NEK5: variants seen among roughly 807,000 people sequenced by gnomAD.
NEK5 encodes the protein serine/threonine-protein kinase Nek5.
Under a neutral mutation model 109.2 loss-of-function variants are expected in NEK5, and 88 were observed. That is an observed-to-expected ratio of 0.81 (90% confidence interval 0.68 to 0.96). The LOEUF (loss-of-function observed/expected upper bound fraction) is 0.96. NEK5 is among the 40% of genes least tolerant of loss of function. The pLI is 0.00. For synonymous variants in NEK5, 283 were observed against 299.9 expected (o/e 0.94, Z 0.58); for missense variants, 834 against 920.7 (o/e 0.91, Z 1.22).
chr13:52,044,714 C>A (rs1438540518), intron 23 of NEK5, among the ~76,000 whole-genome samples: 5 of 152,190 alleles, frequency 3.3e-5, no homozygotes, highest in African/African-American at 1.2e-4. Flanking sequence ...ATTTGTGGGT[C>A]TGGCTGTTAT....
intron 23 of NEK5, among the ~76,000 whole-genome samples, chr13:52,042,233 T>C (rs1326319466): frequency 1.3e-5 from 2 of 151,540 alleles, no homozygotes; most frequent in African/African-American, 2.4e-5. Flanking sequence ...TGACATATCA[T>C]AAATAATTAC....
chr13:52,075,053 T>G lies in NEK5; in HGVS notation c.1722+705A>C, dbSNP rs547279373. On this transcript the variant is annotated intron_variant, in intron 19 of 23. Coordinates refer to ENST00000684899, the MANE Select transcript of NEK5 (RefSeq NM_001365552.1). The stretch of plus-strand genomic sequence containing the variant: ...GTAATGTAAATTAGTTCAACCACTG[T>G]AGAAAGCAGTTTGGATATTTCTCAA... 3.3e-5 allele frequency among the ~76,000 whole-genome samples: 5 copies of G among 152,314 alleles called. No individual in the cohort carries two copies. In the East Asian group the frequency reaches 7.7e-4, roughly 23 times the overall value.
At chr13:52,047,052 T>C (rs1365341440) in intron 23 of NEK5, among the ~76,000 whole-genome samples, 1 of 151,590 alleles carries the variant, frequency 6.6e-6, no homozygotes, top group Non-Finnish European at 1.5e-5. Context: ...GAACTGACTT[T>C]TATTTAACCT....
intron 20 of NEK5, among the ~76,000 whole-genome samples, chr13:52,069,915 T>C (rs1027173612): frequency 6.6e-6 from 1 of 152,204 alleles, no homozygotes; most frequent in South Asian, 2.1e-4. Context: ...GTGATTAACA[T>C]TTCAGGCTCA....
intron 12 of NEK5, among the ~76,000 whole-genome samples, chr13:52,093,497 T>C (rs547499057): frequency 2.6e-5 from 4 of 152,118 alleles, no homozygotes; most frequent in African/African-American, 7.2e-5. Context: ...GAGGTGGAGG[T>C]TGCAGTGAGC....
intron 5 of NEK5, among the ~76,000 whole-genome samples, chr13:52,111,159 C>T (rs1349688924): frequency 6.6e-6 from 1 of 152,114 alleles, no homozygotes; most frequent in Non-Finnish European, 1.5e-5. Context: ...GACCATGAGC[C>T]TCTTTATGAA....
chr13:52,083,270 G>A lies in NEK5; in HGVS notation c.1562C>T (p.Ala521Val). ...PVHQDASEGE[A>V]PVQDIEKDLK... ...CATAGCCATCATTACCTGCACAGGT[G>A]CTTCTCCCTCAGATGCATCTTGATG... is the stretch of plus-strand genomic sequence containing the variant. Residue 521 changes from alanine (A) to valine (V), a missense_variant, in exon 17 of 24, where the codon GCA becomes GTA. Physicochemically the swap from Ala to Val is moderately conservative, Grantham distance 64. Coordinates refer to ENST00000684899, the MANE Select transcript of NEK5 (RefSeq NM_001365552.1). The A allele has an allele frequency of 1.2e-6, 2 of 1,607,516 alleles. No homozygotes were observed. Among genetic ancestry groups the A allele is most frequent in the Non-Finnish European group, 1.7e-6 (2 of 1,174,016 alleles).
At chr13:52,112,552 T>C (rs908354732) in intron 4 of NEK5, among the ~76,000 whole-genome samples, 187 bp from the exon 5 acceptor site, 1 of 152,138 alleles carries the variant, frequency 6.6e-6, no homozygotes, top group Non-Finnish European at 1.5e-5. Context: ...AATGGAAATA[T>C]TATAGAAATT....
intron 23 of NEK5, among the ~76,000 whole-genome samples, chr13:52,041,265 A>C (rs890354858): frequency 2.0e-5 from 3 of 152,198 alleles, no homozygotes; most frequent in Admixed American, 2.0e-4. Flanking sequence ...CTCCTAAAGT[A>C]AGTATGCCCA....
chr13:52,116,601 G>C (rs981115708), intron 4 of NEK5, among the ~76,000 whole-genome samples: 2 of 152,162 alleles, frequency 1.3e-5, no homozygotes, highest in African/African-American at 4.8e-5. Context: ...CTGAGACTCC[G>C]GGCAGAGAAT....
chr13:52,101,973 T>C lies in NEK5; in HGVS notation c.852A>G (p.Ala284=). ...CAGCATGTCGAGAAGCTGGCGCTCC[T>C]GCTCTGCATATAAGCATGTGACTGA... ...EEFSHMLICR[A]GAPASRHAGK... is the part of the protein sequence containing the mutation. Residue 284 remains alanine (A), a synonymous_variant, in exon 11 of 24, where the codon GCA becomes GCG. Coordinates refer to ENST00000684899, the MANE Select transcript of NEK5 (RefSeq NM_001365552.1). 1 of 1,614,212 alleles carries C rather than the reference T, an allele frequency of 6.2e-7. No individual in the cohort carries two copies. The highest frequency in any genetic ancestry group is 1.3e-5 in the African/African-American group (1 of 75,058).
intron 11 of NEK5, among the ~76,000 whole-genome samples, chr13:52,100,858 G>A (rs1024725100): frequency 2.6e-5 from 4 of 152,156 alleles, no homozygotes; most frequent in African/African-American, 9.7e-5. Flanking sequence ...TGGCAAAGAG[G>A]CTCATTCACT....
chr13:52,098,069 C>T (rs921898277), intron 12 of NEK5, among the ~76,000 whole-genome samples: 1 of 152,008 alleles, frequency 6.6e-6, no homozygotes, highest in African/African-American at 2.4e-5. Flanking sequence ...TATAAGTTTC[C>T]TGCGGCCTCC....
intron 22 of NEK5, among the ~76,000 whole-genome samples, chr13:52,061,225 T>C (rs1169142837): frequency 6.6e-6 from 1 of 151,330 alleles, no homozygotes; most frequent in Non-Finnish European, 1.5e-5. Flanking sequence ...CAGTTCACAA[T>C]AGGGTTCATG....
At chr13:52,060,993 G>A (rs1954609584) in intron 22 of NEK5, among the ~76,000 whole-genome samples, 2 of 152,138 alleles carry the variant, frequency 1.3e-5, no homozygotes, top group Admixed American at 6.5e-5. Flanking sequence ...CCAAAGTCCT[G>A]GAATTATAGG....
intron 18 of NEK5, 27 bp downstream of exon 18, chr13:52,076,036 G>T: frequency 7.1e-7 from 1 of 1,414,276 alleles, no homozygotes; most frequent in Non-Finnish European, 9.9e-7. Context: ...ATTTAATATG[G>T]AACCCAAAGA....
At chr13:52,055,977 G>C (rs1301099996) in intron 22 of NEK5, among the ~76,000 whole-genome samples, 1 of 151,786 alleles carries the variant, frequency 6.6e-6, no homozygotes, top group Non-Finnish European at 1.5e-5. Context: ...TGGACTAAAT[G>C]CTCCAATTAA....
At chr13:52,065,008 T>C (rs1040807500) in intron 21 of NEK5, 8 of 251,698 alleles carry the variant, frequency 3.2e-5, no homozygotes, top group African/African-American at 4.6e-5. Flanking sequence ...GTCCTCTGCC[T>C]AGAAAAACCA....
intron 16 of NEK5, among the ~76,000 whole-genome samples, chr13:52,084,734 TGAGAGA>T (rs1170629594): frequency 0.019 from 2,104 of 109,578 alleles, 31 homozygotes; most frequent in Non-Finnish European, 0.026. Context: ...AGAGAGAGAG[TGAGAGA>T]GAGAGAGAGA....
Sources: gnomAD v4.1 joint callset for allele counts (sites outside exome capture counted in the v4.1 genomes callset) on GRCh38, gnomAD v4.1.1 for gene constraint, MANE v1.5 for transcripts, NCBI Gene and HGNC (gene_info 2026-07-23, HGNC 2026-07-21) for gene names.